The following NPHS2 variants were observed in gnomAD, a reference collection of about 807,000 sequenced individuals.
NPHS2 encodes podocin.
A neutral mutation model predicts 37.1 loss-of-function variants in NPHS2; 36 were observed. That is an observed-to-expected ratio of 0.97 (90% CI 0.74 to 1.28). NPHS2 has a LOEUF of 1.28. Among genes scored for constraint, NPHS2 ranks in the 50% most tolerant of loss-of-function variants. The probability of loss-of-function intolerance (pLI) is 0.00; values close to 1 mark genes in which losing one functional copy is unlikely to be tolerated. For synonymous variants in NPHS2, 196 were observed against 189.3 expected (o/e 1.04, Z -0.29); for missense variants, 447 against 488.1 (o/e 0.92, Z 0.79).
chr1:179,552,582 G>A (rs765871191), intron 7 of NPHS2, 21 bp downstream of exon 7: 2 of 1,605,666 alleles, frequency 1.2e-6, no homozygotes, highest in African/African-American at 2.7e-5. Context: ...GGCAGTCTGG[G>A]TGGGAGGATG....
intron 1 of NPHS2, among the ~76,000 whole-genome samples, chr1:179,568,387 A>T (rs557277203): frequency 6.6e-6 from 1 of 152,198 alleles, no homozygotes; most frequent in African/African-American, 2.4e-5. Flanking sequence ...TTTCTGTGAG[A>T]TAGGTGGTGA....
chr1:179,575,762 CT>C lies in NPHS2; in HGVS notation c.102del (p.Gly35AlafsTer64). On this transcript the variant is annotated frameshift_variant, in exon 1 of 8. Transcript: ENST00000367615. LOFTEE classifies it high-confidence loss of function. Reference sequence around the variant, plus strand: ...GGCCCAGCCTCCTGGCGCCCGCGGCCTCCGCCGCTCCTCTCGGCCTTTGCCC... The same window carrying C: ...GGCCCAGCCTCCTGGCGCCCGCGGCCCCGCCGCTCCTCTCGGCCTTTGCCC... Reference protein sequence around the residue: ...NKRAKAERSGGGRGRQEAGPE... With the variant: ...NKRAKAERSGXGRGRQEAGPE... 3 of 1,499,066 alleles carry C rather than the reference CT, an allele frequency of 2.0e-6. No individual in the cohort carries two copies. Among genetic ancestry groups the C allele is most frequent in the Admixed American group, 4.5e-5 (2 of 44,600 alleles). The allele number at this position is 1,499,066 out of a possible 1,614,324, so 92.9% of individuals were successfully genotyped here. A position where few individuals can be genotyped will look rare whatever the true frequency, so the allele number is the denominator to read the frequency against.
intron 1 of NPHS2, among the ~76,000 whole-genome samples, chr1:179,566,890 T>C (rs185840293): frequency 4.7e-4 from 72 of 152,348 alleles, no homozygotes; most frequent in African/African-American, 1.6e-3. Context: ...TGTTGTGTTA[T>C]TTCTGAGGCC....
intron 1 of NPHS2, among the ~76,000 whole-genome samples, chr1:179,568,679 T>C (rs1674428323): frequency 6.6e-6 from 1 of 152,254 alleles, no homozygotes; most frequent in African/African-American, 2.4e-5. Flanking sequence ...GTTTCTCTTG[T>C]GGGCATTTAG....
chr1:179,551,452 C>T lies in NPHS2; in HGVS notation c.874-1G>A, dbSNP rs776016942. On this transcript the variant is annotated splice_acceptor_variant, in intron 7 of 7. Coordinates refer to ENST00000367615, the MANE Select transcript of NPHS2 (RefSeq NM_014625.4). LOFTEE classifies it high-confidence loss of function. ...CCTTTTCCGCTTCTGCAGCAATCAT[C>T]TAGAAAACATGTGACGAAAGCAAAG... is the stretch of plus-strand genomic sequence containing the variant. The T allele has an allele frequency of 6.8e-6, 11 of 1,613,028 alleles. No individual in the cohort carries two copies. The South Asian group carries it at 1.1e-4, about 16-fold the overall frequency.
At chr1:179,573,674 TCA>T (rs1261693163) in intron 1 of NPHS2, among the ~76,000 whole-genome samples, 1 of 152,204 alleles carries the variant, frequency 6.6e-6, no homozygotes, top group Non-Finnish European at 1.5e-5. Flanking sequence ...TAAATATGTT[TCA>T]GTTACCAGTG....
intron 2 of NPHS2, among the ~76,000 whole-genome samples, chr1:179,564,429 T>C (rs1265397431): frequency 6.6e-6 from 1 of 152,070 alleles, no homozygotes; most frequent in Non-Finnish European, 1.5e-5. Context: ...ATAATACACA[T>C]GGTAAGTGTT....
rs892655239 is a variant in NPHS2, at chr1:179,575,540, C to G, written c.274+51G>C. 3 of 1,597,426 alleles carry G rather than the reference C, an allele frequency of 1.9e-6. No homozygotes were observed. The African/African-American group carries it at 4.0e-5, about 21-fold the overall frequency. ...ATGACCCTTTCCACCTTATCTGACGCCCCTTAGTTACCACCTGGAAAAGTA... is the reference window on the plus strand; with the variant it reads ...ATGACCCTTTCCACCTTATCTGACGGCCCTTAGTTACCACCTGGAAAAGTA... On this transcript the variant is annotated intron_variant, in intron 1 of 7. Coordinates refer to ENST00000367615, the MANE Select transcript of NPHS2 (RefSeq NM_014625.4).
chr1:179,553,912 A>ATT lies in NPHS2; in HGVS notation c.794+562_794+563dup, dbSNP rs11422639. On this transcript the variant is annotated intron_variant, in intron 6 of 7. Transcript: ENST00000367615. ...AGGCATTTGCCAACACCCCTGGCTA[A>ATT]TTTTTTTTTTTTTTTTTTGAGATCG... 7.5e-3 allele frequency among the ~76,000 whole-genome samples: 986 copies of ATT among 131,828 alleles called. 26 individuals carry two copies. The highest frequency in any genetic ancestry group is 0.047 in the East Asian group (211 of 4,518). The allele number at this position is 131,828 out of a possible 152,430, so 86.5% of individuals were successfully genotyped here.
intron 1 of NPHS2, among the ~76,000 whole-genome samples, chr1:179,568,235 G>A (rs937787222): frequency 9.2e-5 from 14 of 152,202 alleles, no homozygotes; most frequent in Admixed American, 2.0e-4. Context: ...TTCAGAGCCT[G>A]TTATTGGTCT....
At chr1:179,573,384 A>G (rs948964915) in intron 1 of NPHS2, among the ~76,000 whole-genome samples, 2 of 152,196 alleles carry the variant, frequency 1.3e-5, no homozygotes, top group Admixed American at 1.3e-4. Context: ...TTCCTGGGCA[A>G]ATGAGTTTAG....
In NPHS2 at chr1:179,551,286, G is replaced by A. The variant is rs1673225964; in HGVS notation, c.1039C>T (p.Leu347=). ...TTGCTGGGAGAAGACAGGCAATTCA[G>A]TAGGTCAAATGGCAAAGGTAAAACC... ...TVVLPLPFDL[L]NCLSSPSNRT... The change falls in exon 8 of 8, where the codon CTG becomes TTG. Residue 347 remains leucine, a synonymous_variant. Transcript: ENST00000367615. 1.2e-6 allele frequency: 2 copies of A among 1,613,960 alleles called. No individual in the cohort carries two copies. Among genetic ancestry groups the A allele is most frequent in the Non-Finnish European group, 1.7e-6 (2 of 1,180,014 alleles).
intron 2 of NPHS2, among the ~76,000 whole-genome samples, chr1:179,563,614 G>A (rs998743538): frequency 5.3e-5 from 8 of 152,060 alleles, no homozygotes; most frequent in Non-Finnish European, 1.0e-4. Flanking sequence ...ATAACATAAA[G>A]TGTATTCTCT....
chr1:179,574,798 A>G (rs563722355), intron 1 of NPHS2, among the ~76,000 whole-genome samples: 1 of 152,340 alleles, frequency 6.6e-6, no homozygotes, highest in South Asian at 2.1e-4. Flanking sequence ...TCCACTCATT[A>G]TAAAAAAGAC....
In NPHS2 at chr1:179,556,558, A is replaced by G. The variant is rs912753784; in HGVS notation, c.738+469T>C. Among the ~76,000 whole-genome samples, 1 of 152,202 alleles carries G rather than the reference A, an allele frequency of 6.6e-6. No homozygotes were observed. The highest frequency in any genetic ancestry group is 2.4e-5 in the African/African-American group (1 of 41,444). ...TAGACAATGGATTGGGTAATTCATCATGTAAAGGTCTATGACATCTTAGCT... is the reference window on the plus strand; with the variant it reads ...TAGACAATGGATTGGGTAATTCATCGTGTAAAGGTCTATGACATCTTAGCT... On this transcript the variant is annotated intron_variant, in intron 5 of 7. Coordinates refer to ENST00000367615, the MANE Select transcript of NPHS2 (RefSeq NM_014625.4). The surrounding 1 kb of genome is among the most constrained non-coding windows in gnomAD (Gnocchi z 4.1).
At position 179,556,435 on chromosome 1, in the gene NPHS2, C is replaced by T. The variant is rs1410347415; in HGVS notation, c.738+592G>A. Among the ~76,000 whole-genome samples, 2 of 152,262 alleles carry T rather than the reference C, an allele frequency of 1.3e-5. No homozygotes were observed. The highest frequency in any genetic ancestry group is 2.9e-5 in the Non-Finnish European group (2 of 68,012). ...AAGAATCAAAGCCACCGACCCTGGC[C>T]GTGAATGAGCTTGCTGAGCTTGCTG... is the stretch of plus-strand genomic sequence containing the variant. On this transcript the variant is annotated intron_variant, in intron 5 of 7. Transcript: ENST00000367615. The surrounding 1 kb of genome is among the most constrained non-coding windows in gnomAD (Gnocchi z 4.1).
In NPHS2 at chr1:179,575,851, G is replaced by T. The variant is rs1213377429; in HGVS notation, c.14C>A (p.Ala5Glu). The T allele has an allele frequency of 1.4e-6, 2 of 1,425,822 alleles. No individual in the cohort carries two copies. Among genetic ancestry groups the T allele is most frequent in the East Asian group, 2.7e-5 (1 of 36,900 alleles). The allele number at this position is 1,425,822 out of a possible 1,614,324, so 88.3% of individuals were successfully genotyped here. The change falls in exon 1 of 8, where the codon GCG (alanine) becomes GAG (glutamate). Residue 5 changes from alanine to glutamate, a missense_variant. Transcript: ENST00000367615. MERR[A>E]RSSSRESRGR... ...GCGGGACTCCCTGGAGGAGCTCCGC[G>T]CCCTCCTCTCCATCCTCAGAGCTGC...
In NPHS2 at chr1:179,556,546, G is replaced by A. The variant is rs1349470469; in HGVS notation, c.738+481C>T. 6.6e-6 allele frequency among the ~76,000 whole-genome samples: 1 copy of A among 152,160 alleles called. No individual in the cohort carries two copies. The highest frequency in any genetic ancestry group is 1.5e-5 in the Non-Finnish European group (1 of 68,038). ...ATTGATTAAATCTAGACAATGGATTGGGTAATTCATCATGTAAAGGTCTAT... is the reference window on the plus strand; with the variant it reads ...ATTGATTAAATCTAGACAATGGATTAGGTAATTCATCATGTAAAGGTCTAT... On this transcript the variant is annotated intron_variant, in intron 5 of 7. Coordinates refer to ENST00000367615, the MANE Select transcript of NPHS2 (RefSeq NM_014625.4). This position sits in a 1 kb window ranked among gnomAD's most constrained non-coding sequence, Gnocchi z 4.1.
At chr1:179,565,107 CA>C (rs572518534) in intron 1 of NPHS2, among the ~76,000 whole-genome samples, 7 of 147,816 alleles carry the variant, frequency 4.7e-5, no homozygotes, top group African/African-American at 1.5e-4. Flanking sequence ...CCTGTCTGTA[CA>C]AAAAAAAAAT....
Sources: gnomAD v4.1 joint callset for allele counts (sites outside exome capture counted in the v4.1 genomes callset) on GRCh38, gnomAD v4.1.1 for gene constraint, Gnocchi (gnomAD v3.1) non-coding constraint, MANE v1.5 for transcripts, NCBI Gene and HGNC (gene_info 2026-07-23, HGNC 2026-07-21) for gene names.